The following DGKG variants were observed in gnomAD, a reference collection of about 807,000 sequenced individuals.
The protein encoded by DGKG is DAG kinase gamma.
Under a neutral mutation model 105.3 loss-of-function variants are expected in DGKG, and 78 were observed. The observed-to-expected ratio is 0.74, with a 90% CI of 0.62 to 0.89. The LOEUF is 0.89. DGKG is among the 40% of genes least tolerant of loss of function. The pLI is 0.00. For synonymous variants in DGKG, 346 were observed against 367.1 expected (o/e 0.94, Z 0.66); for missense variants, 958 against 1,020.1 (o/e 0.94, Z 0.83).
chr3:186,283,011 C>T (rs1352257098), intron 7 of DGKG, among the ~76,000 whole-genome samples: 1 of 151,436 alleles, frequency 6.6e-6, no homozygotes, highest in Non-Finnish European at 1.5e-5. Context: ...AGGGTTCAAG[C>T]AATTCTCCTG....
Position 186,275,573 on chromosome 3 carries a change from A to G in DGKG, c.884T>C (p.Val295Ala), listed in dbSNP as rs931952701. 1 of 1,614,242 alleles carries G rather than the reference A, an allele frequency of 6.2e-7. No individual in the cohort carries two copies. The highest frequency in any genetic ancestry group is 1.3e-5 in the African/African-American group (1 of 75,068). The change falls in exon 10 of 25, where the codon GTC becomes GCC. Residue 295 changes from valine (V) to alanine (A), a missense_variant. By Grantham distance (64) the Val-to-Ala change is moderately conservative. Around this residue, in one of 2 missense-constraint regions of DGKG, gnomAD observed 643 missense variants for 619.5 expected, o/e 1.04. Coordinates refer to ENST00000265022, the MANE Select transcript of DGKG (RefSeq NM_001346.3). ...CNFCHIMLMG[V>A]RKQGLCCTYC... Reference sequence around the variant, plus strand: ...AGTGCAGCACAGGCCTTGCTTGCGGACGCCCATGAGCATGATATGGCAGAA... The same window carrying G: ...AGTGCAGCACAGGCCTTGCTTGCGGGCGCCCATGAGCATGATATGGCAGAA...
chr3:186,147,779 A>G lies in DGKG; in HGVS notation c.*2311T>C, dbSNP rs570877459. On this transcript the variant is annotated 3_prime_UTR_variant, in exon 25 of 25. Coordinates refer to ENST00000265022, the MANE Select transcript of DGKG (RefSeq NM_001346.3). ...GAAACACATGCACGAACTTCTGTAA[A>G]TGTCTTAGAATCAGTGACCCCAAAC... The G allele has an allele frequency of 7.1e-6, 7 of 985,424 alleles. No homozygotes were observed. In the East Asian group the frequency reaches 6.8e-4, roughly 96 times the overall value. The allele number at this position is 985,424 out of a possible 1,614,324, so 61.0% of individuals were successfully genotyped here.
intron 6 of DGKG, among the ~76,000 whole-genome samples, chr3:186,287,133 G>A (rs1347564574): frequency 6.6e-6 from 1 of 151,948 alleles, no homozygotes; most frequent in African/African-American, 2.4e-5. Context: ...AATAACCAGT[G>A]GTGATGTATG....
At chr3:186,249,084 C>T (rs994741863) in intron 19 of DGKG, among the ~76,000 whole-genome samples, 3 of 152,068 alleles carry the variant, frequency 2.0e-5, no homozygotes, top group South Asian at 2.1e-4. Context: ...CTGGGGGAAG[C>T]GGAGCCTGAA....
intron 1 of DGKG, among the ~76,000 whole-genome samples, chr3:186,335,869 G>T (rs34919709): frequency 0.014 from 2,117 of 151,984 alleles, 52 homozygotes; most frequent in African/African-American, 0.048. Flanking sequence ...GCAAAAAATC[G>T]AAACGATTTA....
intron 20 of DGKG, among the ~76,000 whole-genome samples, chr3:186,219,714 A>C (rs1272203873): frequency 1.3e-5 from 2 of 152,182 alleles, no homozygotes; most frequent in African/African-American, 4.8e-5. Flanking sequence ...GATGGAGAAC[A>C]GGAAAGGGGA....
intron 21 of DGKG, among the ~76,000 whole-genome samples, chr3:186,201,805 G>A (rs1718480524): frequency 6.6e-6 from 1 of 152,232 alleles, no homozygotes; most frequent in Non-Finnish European, 1.5e-5. Context: ...TGAGGAATTA[G>A]TTCATTTTAG....
At chr3:186,290,988 T>C (rs575746300) in intron 5 of DGKG, among the ~76,000 whole-genome samples, 1 of 152,352 alleles carries the variant, frequency 6.6e-6, no homozygotes, top group African/African-American at 2.4e-5. Flanking sequence ...GAATCATTGA[T>C]AGAGTATTCA....
intron 21 of DGKG, among the ~76,000 whole-genome samples, chr3:186,201,668 C>G (rs1015430554): frequency 6.6e-6 from 1 of 152,174 alleles, no homozygotes; most frequent in South Asian, 2.1e-4. Context: ...GCAAGGTGGG[C>G]CCCTTTTTCT....
At position 186,361,978 on chromosome 3, in the gene DGKG, C is replaced by T. The variant is rs570177374; in HGVS notation, c.-281G>A. On this transcript the variant is annotated 5_prime_UTR_variant, in exon 1 of 25. Coordinates refer to ENST00000265022, the MANE Select transcript of DGKG (RefSeq NM_001346.3). The surrounding 1 kb of genome is among the most constrained non-coding windows in gnomAD (Gnocchi z 6.8). ...GGCAACACTTGGTTGCGCGGTGGCC[C>T]GGGGCGCTCCTTCTTCGCGGTTTAT... is the stretch of plus-strand genomic sequence containing the variant. 7.2e-4 allele frequency: 109 copies of T among 152,418 alleles called. 1 individual carries two copies. The highest frequency in any genetic ancestry group is 2.4e-3 in the African/African-American group (98 of 41,562). 9.4% of individuals were successfully genotyped at this position (152,418 alleles called of 1,614,324 possible).
At chr3:186,247,959 G>T (rs1721023335) in intron 19 of DGKG, among the ~76,000 whole-genome samples, 1 of 151,666 alleles carries the variant, frequency 6.6e-6, no homozygotes, top group Non-Finnish European at 1.5e-5. Context: ...CAGCCAGCAG[G>T]ACTTCCTTCC....
intron 3 of DGKG, among the ~76,000 whole-genome samples, chr3:186,305,133 C>G (rs973438672): frequency 1.3e-5 from 2 of 152,108 alleles, no homozygotes; most frequent in Non-Finnish European, 2.9e-5. Context: ...GTGGGAGAGA[C>G]AGACAATTAA....
chr3:186,160,212 G>T (rs1230804850), intron 24 of DGKG: 5 of 985,294 alleles, frequency 5.1e-6, no homozygotes, highest in Non-Finnish European at 6.0e-6. Context: ...GAGGAAGGGT[G>T]GGTGTGGGCA....
At chr3:186,177,718 C>T (rs1717152498) in intron 22 of DGKG, among the ~76,000 whole-genome samples, 1 of 152,192 alleles carries the variant, frequency 6.6e-6, no homozygotes, top group Non-Finnish European at 1.5e-5. Flanking sequence ...CGTGTGTTAT[C>T]TGTGTGATTT....
rs368710765 is a variant in DGKG, at chr3:186,267,665, G to A, written c.1209+20C>T. On this transcript the variant is annotated intron_variant, in intron 13 of 24. Coordinates refer to ENST00000265022, the MANE Select transcript of DGKG (RefSeq NM_001346.3). Reference sequence around the variant, plus strand: ...AGAACCCGGAGAAGCTACAGCCCTCGCCGGGGCAGGAGCACTTACCCGGGT... The same window carrying A: ...AGAACCCGGAGAAGCTACAGCCCTCACCGGGGCAGGAGCACTTACCCGGGT... 9.4e-6 allele frequency: 15 copies of A among 1,601,954 alleles called. No individual in the cohort carries two copies. The highest frequency in any genetic ancestry group is 1.7e-4 in the Middle Eastern group (1 of 5,946).
At chr3:186,327,737 G>A (rs1204476177) in intron 1 of DGKG, among the ~76,000 whole-genome samples, 1 of 151,902 alleles carries the variant, frequency 6.6e-6, no homozygotes, top group African/African-American at 2.4e-5. Flanking sequence ...ACAAAAGGTA[G>A]CACATTATAG....
intron 1 of DGKG, among the ~76,000 whole-genome samples, chr3:186,356,167 ATATCT>A (rs928943451): frequency 1.3e-5 from 2 of 152,242 alleles, no homozygotes; most frequent in African/African-American, 4.8e-5. Context: ...TATTGAATTA[ATATCT>A]ATGTTTAGGG....
rs1377952362 is a variant in DGKG, at chr3:186,226,539, C to G, written c.1827-14654G>C. 6.6e-6 allele frequency among the ~76,000 whole-genome samples: 1 copy of G among 152,200 alleles called. No homozygotes were observed. The highest frequency in any genetic ancestry group is 2.1e-4 in the South Asian group (1 of 4,822). ...AGGGGGAACCTGACTAATTACAACACTCTGTTGAGAGCTCCAATAAAAGTT... is the reference window on the plus strand; with the variant it reads ...AGGGGGAACCTGACTAATTACAACAGTCTGTTGAGAGCTCCAATAAAAGTT... On this transcript the variant is annotated intron_variant, in intron 20 of 24. Transcript: ENST00000265022. The surrounding 1 kb of genome is among the most constrained non-coding windows in gnomAD (Gnocchi z 4.2).
chr3:186,339,873 A>T (rs1726007016), intron 1 of DGKG, among the ~76,000 whole-genome samples: 1 of 152,180 alleles, frequency 6.6e-6, no homozygotes, highest in South Asian at 2.1e-4. Flanking sequence ...CATTTCCTAT[A>T]TTTGTGGTCT....
Sources: gnomAD v4.1 joint callset for allele counts (sites outside exome capture counted in the v4.1 genomes callset) on GRCh38, gnomAD v4.1.1 for gene constraint, gnomAD v4.1.1 regional missense constraint, Gnocchi (gnomAD v3.1) non-coding constraint, MANE v1.5 for transcripts, NCBI Gene and HGNC (gene_info 2026-07-23, HGNC 2026-07-21) for gene names.